Variants in PAWR observed in about 807,000 individuals in gnomAD.
The protein encoded by PAWR is pro-apoptotic WT1 regulator, also known as PRKC apoptosis WT1 regulator protein.
PAWR carries 23 observed loss-of-function variants against 32.0 expected under a neutral mutation model. That is an observed-to-expected ratio of 0.72 (90% CI 0.52 to 1.02). PAWR has a LOEUF of 1.02. Ranked by LOEUF, PAWR falls within the 50% of genes least tolerant of loss-of-function variation. The pLI, the probability that PAWR is intolerant of heterozygous loss-of-function variation, is 0.00. For synonymous variants in PAWR, 226 were observed against 187.1 expected (o/e 1.21, Z -1.70); for missense variants, 457 against 437.7 (o/e 1.04, Z -0.39).
At chr12:79,629,607 A>C (rs535315122) in intron 2 of PAWR, among the ~76,000 whole-genome samples, 5 of 152,158 alleles carry the variant, frequency 3.3e-5, no homozygotes, top group East Asian at 3.9e-4. Flanking sequence ...AAAAAAAAAA[A>C]CTTCAATTCT....
intron 2 of PAWR, among the ~76,000 whole-genome samples, chr12:79,659,929 G>T (rs1332010200): frequency 6.6e-6 from 1 of 151,998 alleles, no homozygotes; most frequent in African/African-American, 2.4e-5. Context: ...AAGAAGTAAA[G>T]ACATGGAAAA....
At chr12:79,604,957 C>T (rs1874109695) in intron 4 of PAWR, among the ~76,000 whole-genome samples, 1 of 151,994 alleles carries the variant, frequency 6.6e-6, no homozygotes, top group Admixed American at 6.6e-5. Context: ...TTTTAAAAAT[C>T]TTATGAAAAA....
intron 2 of PAWR, among the ~76,000 whole-genome samples, chr12:79,656,233 G>T (rs1877088380): frequency 6.6e-6 from 1 of 152,222 alleles, no homozygotes; most frequent in African/African-American, 2.4e-5. Context: ...TGTATGAATA[G>T]ATTTGTGTTT....
chr12:79,604,835 AGAAAACAGAAAATACAAATGAG>A, intron 4 of PAWR: 1 of 358,498 alleles, frequency 2.8e-6, no homozygotes, highest in Non-Finnish European at 4.6e-6. Context: ...TATTTATTAT[AGAAAACAGAAAATACAAATGAG>A]TGTCATCAGT....
rs937360120 is a variant in PAWR, at chr12:79,589,704, A to G, written c.*2903T>C. 8 of 152,204 alleles carry G rather than the reference A, an allele frequency of 5.3e-5. No individual in the cohort carries two copies. Among genetic ancestry groups the G allele is most frequent in the African/African-American group, 1.9e-4 (8 of 41,466 alleles). The allele number at this position is 152,204 out of a possible 1,614,324, so 9.4% of individuals were successfully genotyped here. On this transcript the variant is annotated 3_prime_UTR_variant, in exon 7 of 7. Coordinates refer to ENST00000328827, the MANE Select transcript of PAWR (RefSeq NM_002583.4). Reference sequence around the variant, plus strand: ...AGATTACTATAGCAATCTTCAATTAATTCATTTCAGAAATCAAGGAGGCAA... The same window carrying G: ...AGATTACTATAGCAATCTTCAATTAGTTCATTTCAGAAATCAAGGAGGCAA...
chr12:79,658,021 A>G (rs998040721), intron 2 of PAWR, among the ~76,000 whole-genome samples: 3 of 152,182 alleles, frequency 2.0e-5, no homozygotes, highest in African/African-American at 7.2e-5. Flanking sequence ...CAATGTGCAT[A>G]TGACTGAAAG....
Position 79,592,514 on chromosome 12 carries a change from A to T in PAWR, c.*93T>A. ...TAAATATACTTGCTTAGTTATTTTAATGTATTGCAGCATAGGAATATTGTG... is the reference window on the plus strand; with the variant it reads ...TAAATATACTTGCTTAGTTATTTTATTGTATTGCAGCATAGGAATATTGTG... On this transcript the variant is annotated 3_prime_UTR_variant, in exon 7 of 7. Coordinates refer to ENST00000328827, the MANE Select transcript of PAWR (RefSeq NM_002583.4). The T allele has an allele frequency of 1.6e-6, 1 of 611,194 alleles. No individual in the cohort carries two copies. Among genetic ancestry groups the T allele is most frequent in the East Asian group, 3.1e-5 (1 of 32,764 alleles). 37.9% of individuals were successfully genotyped at this position (611,194 alleles called of 1,614,324 possible).
At chr12:79,681,123 A>C (rs911683008) in intron 2 of PAWR, among the ~76,000 whole-genome samples, 1 of 77,180 alleles carries the variant, frequency 1.3e-5, no homozygotes, top group African/African-American at 5.3e-5. Flanking sequence ...AAAAAGGAGA[A>C]GAAGGGAGGG....
chr12:79,644,337 T>C (rs1876471621), intron 2 of PAWR, among the ~76,000 whole-genome samples: 1 of 152,188 alleles, frequency 6.6e-6, no homozygotes, highest in Non-Finnish European at 1.5e-5. Flanking sequence ...TAAAGAATGA[T>C]AATCATATGC....
intron 2 of PAWR, 48 bp downstream of exon 2, chr12:79,689,681 C>A: frequency 2.0e-6 from 3 of 1,520,366 alleles, no homozygotes; most frequent in Middle Eastern, 2.3e-4. Context: ...CACCGGGAGG[C>A]AGCTGCCCGC....
intron 2 of PAWR, 51 bp downstream of exon 2, chr12:79,689,662 GGAGGAAGACACCGGGA>G (rs1878871002): frequency 6.6e-7 from 1 of 1,504,630 alleles, no homozygotes; most frequent in Admixed American, 2.0e-5. Flanking sequence ...GTAGCTCCCA[GGAGGAAGACACCGGGA>G]GGCAGCTGCC....
chr12:79,618,328 C>T (rs1216424175), intron 3 of PAWR, among the ~76,000 whole-genome samples: 1 of 152,122 alleles, frequency 6.6e-6, no homozygotes, highest in Non-Finnish European at 1.5e-5. Flanking sequence ...GGGGTTTTGT[C>T]ATGTTGGCCA....
In PAWR at chr12:79,600,670, T is replaced by G. The variant is rs994672979; in HGVS notation, c.684-4012A>C. On this transcript the variant is annotated intron_variant, in intron 4 of 6. Coordinates refer to ENST00000328827, the MANE Select transcript of PAWR (RefSeq NM_002583.4). ...TGGCTTTTTTTTTTTTTTTTTTTTT[T>G]GTAGAGACGTGTCTTACTATGTTGA... 8.2e-5 allele frequency among the ~76,000 whole-genome samples: 12 copies of G among 146,434 alleles called. No homozygotes were observed. In the East Asian group the frequency reaches 2.2e-3, roughly 26 times the overall value.
chr12:79,596,425 T>C, intron 5 of PAWR, 86 bp downstream of exon 5: 1 of 666,406 alleles, frequency 1.5e-6, no homozygotes. Flanking sequence ...AGGAATATTA[T>C]TTCCTTTCTC....
intron 2 of PAWR, among the ~76,000 whole-genome samples, chr12:79,668,923 C>A (rs898920395): frequency 5.9e-5 from 9 of 152,180 alleles, no homozygotes; most frequent in Non-Finnish European, 1.3e-4. Context: ...ATACTCTCAT[C>A]CCAATCAAAT....
chr12:79,622,790 G>T (rs1875087958), intron 2 of PAWR, among the ~76,000 whole-genome samples: 1 of 152,120 alleles, frequency 6.6e-6, no homozygotes, highest in African/African-American at 2.4e-5. Context: ...TACTGTTATT[G>T]CTGAGTCTAA....
chr12:79,664,658 C>G (rs113597779), intron 2 of PAWR, among the ~76,000 whole-genome samples: 161 of 128,188 alleles, frequency 1.3e-3, no homozygotes, highest in African/African-American at 3.8e-3. Flanking sequence ...GACTCTTTGG[C>G]GGGGGGGGGA....
At position 79,673,213 on chromosome 12, in the gene PAWR, G is replaced by A. The variant is rs187134708; in HGVS notation, c.516+16516C>T. Reference sequence around the variant, plus strand: ...GCCTCCCGAGTAGCTGGGACTACAGGCACCTGCCACCACACCTGGCTAATT... The same window carrying A: ...GCCTCCCGAGTAGCTGGGACTACAGACACCTGCCACCACACCTGGCTAATT... On this transcript the variant is annotated intron_variant, in intron 2 of 6. Coordinates refer to ENST00000328827, the MANE Select transcript of PAWR (RefSeq NM_002583.4). 6.4e-3 allele frequency among the ~76,000 whole-genome samples: 980 copies of A among 152,092 alleles called. 12 individuals are homozygous for A. The highest frequency in any genetic ancestry group is 0.019 in the African/African-American group (799 of 41,476).
chr12:79,676,899 T>A (rs1422230705), intron 2 of PAWR, among the ~76,000 whole-genome samples: 1 of 152,194 alleles, frequency 6.6e-6, no homozygotes, highest in Non-Finnish European at 1.5e-5. Flanking sequence ...TTCACAAAAT[T>A]ACCTGGACCA....
Sources: allele counts gnomAD v4.1 joint callset (sites outside exome capture counted in the v4.1 genomes callset), GRCh38; gene constraint gnomAD v4.1.1; transcripts MANE v1.5; gene names NCBI Gene and HGNC (gene_info 2026-07-23, HGNC 2026-07-21).